Variants in AFG2A observed in about 807,000 individuals in gnomAD.
The protein encoded by AFG2A is ATPase family gene 2 protein homolog A.
the AFG2A span, among the ~76,000 whole-genome samples, chr4:123,224,395 G>C: frequency 2.7e-5 from 4 of 150,188 alleles, no homozygotes; most frequent in South Asian, 4.3e-4. Context: ...GGTGTGTGAT[G>C]TTCCCCTTCC....
At chr4:123,205,730 A>G in the AFG2A span, among the ~76,000 whole-genome samples, 2 of 152,162 alleles carry the variant, frequency 1.3e-5, no homozygotes, top group Non-Finnish European at 2.9e-5. Context: ...AGACAACTGT[A>G]TATACTTTGT....
the AFG2A span, among the ~76,000 whole-genome samples, chr4:123,259,377 G>A: frequency 1.3e-5 from 2 of 152,170 alleles, no homozygotes; most frequent in Non-Finnish European, 2.9e-5. Flanking sequence ...GCCTCAGGAG[G>A]CTCTCAAGAG....
At chr4:123,072,892 C>G in the AFG2A span, among the ~76,000 whole-genome samples, 1 of 152,058 alleles carries the variant, frequency 6.6e-6, no homozygotes, top group Admixed American at 6.5e-5. Flanking sequence ...TAATATTAAC[C>G]TGTTTTATTT....
At chr4:123,214,380 A>G in the AFG2A span, among the ~76,000 whole-genome samples, 1 of 152,120 alleles carries the variant, frequency 6.6e-6, no homozygotes, top group South Asian at 2.1e-4. Context: ...TTTAGTAAAT[A>G]AAACAGATGA....
At chr4:123,053,517 T>TA in the AFG2A span, among the ~76,000 whole-genome samples, 164 of 152,336 alleles carry the variant, frequency 1.1e-3, no homozygotes, top group African/African-American at 3.7e-3. Flanking sequence ...TATTTGCTCA[T>TA]ATCAGCATGC....
the AFG2A span, among the ~76,000 whole-genome samples, chr4:123,159,427 A>G: frequency 6.6e-6 from 1 of 152,206 alleles, no homozygotes; most frequent in African/African-American, 2.4e-5. Context: ...GAGGCGTTTG[A>G]TTATAAGGTG....
the AFG2A span, among the ~76,000 whole-genome samples, chr4:123,009,607 T>C: frequency 1.3e-5 from 2 of 152,236 alleles, no homozygotes; most frequent in Non-Finnish European, 2.9e-5. Flanking sequence ...ATCATGTTTC[T>C]AGGTTTCTCT....
At chr4:123,292,485 G>A in the AFG2A span, among the ~76,000 whole-genome samples, 2 of 151,898 alleles carry the variant, frequency 1.3e-5, no homozygotes, top group East Asian at 1.9e-4. Flanking sequence ...TTATCATTTG[G>A]GTAGACTACT....
chr4:122,946,340 G>T, the AFG2A span, among the ~76,000 whole-genome samples: 44 of 152,356 alleles, frequency 2.9e-4, no homozygotes, highest in Admixed American at 8.5e-4. Context: ...TAAGCCTGTT[G>T]TGGATTAGTA....
At chr4:123,152,288 A>G in the AFG2A span, among the ~76,000 whole-genome samples, 5 of 152,312 alleles carry the variant, frequency 3.3e-5, no homozygotes, top group South Asian at 6.2e-4. Flanking sequence ...GTATCCCAGA[A>G]CTTAAAGTAT....
At chr4:122,939,073 T>TC in the AFG2A span, among the ~76,000 whole-genome samples, 1 of 74,420 alleles carries the variant, frequency 1.3e-5, no homozygotes, top group Admixed American at 1.8e-4. Context: ...GATATGTTCT[T>TC]TCTTTTTTTT....
At chr4:123,141,759 TTTTG>T in the AFG2A span, among the ~76,000 whole-genome samples, 1 of 152,224 alleles carries the variant, frequency 6.6e-6, no homozygotes, top group Non-Finnish European at 1.5e-5. Flanking sequence ...GTTGTTTGTT[TTTTG>T]TTTGTTGTTG....
the AFG2A span, among the ~76,000 whole-genome samples, chr4:123,233,715 G>GTGTA: frequency 6.7e-6 from 1 of 149,048 alleles, no homozygotes; most frequent in African/African-American, 2.6e-5. Flanking sequence ...TCATACATGG[G>GTGTA]TGTATGTGTG....
the AFG2A span, among the ~76,000 whole-genome samples, chr4:123,248,292 C>G: frequency 2.6e-5 from 4 of 152,168 alleles, no homozygotes; most frequent in Admixed American, 6.5e-5. Context: ...TGCATAGGCT[C>G]TCATGGATTT....
chr4:123,184,778 C>T, the AFG2A span, among the ~76,000 whole-genome samples: 1 of 151,640 alleles, frequency 6.6e-6, no homozygotes, highest in Admixed American at 6.6e-5. Flanking sequence ...CCTCGTGATC[C>T]GCCCGCCTAG....
At chr4:123,077,379 C>T in the AFG2A span, among the ~76,000 whole-genome samples, 16 of 152,036 alleles carry the variant, frequency 1.1e-4, no homozygotes, top group Non-Finnish European at 1.9e-4. Context: ...CACTTACTGG[C>T]TCTGTTACCT....
chr4:123,228,623 T>C, the AFG2A span, among the ~76,000 whole-genome samples: 1 of 152,036 alleles, frequency 6.6e-6, no homozygotes, highest in Admixed American at 6.6e-5. Context: ...TATTTTAATA[T>C]GCATTATCTC....
the AFG2A span, among the ~76,000 whole-genome samples, chr4:123,313,063 T>C: frequency 8.5e-5 from 13 of 152,220 alleles, no homozygotes; most frequent in Non-Finnish European, 1.9e-4. Context: ...ACAAGCTCTT[T>C]TCACTACCGT....
chr4:123,027,396 G>A, the AFG2A span, among the ~76,000 whole-genome samples: 1 of 151,538 alleles, frequency 6.6e-6, no homozygotes, highest in African/African-American at 2.4e-5. Flanking sequence ...TTTTTGGCCT[G>A]TACCTAGCCA....
Sources: allele counts gnomAD v4.1 joint callset (sites outside exome capture counted in the v4.1 genomes callset), GRCh38; gene constraint gnomAD v4.1.1; transcripts MANE v1.5; gene names NCBI Gene and HGNC (gene_info 2026-07-23, HGNC 2026-07-21).